The following OXNAD1 variants were observed in gnomAD, a reference collection of about 807,000 sequenced individuals.
OXNAD1 encodes oxidoreductase NAD binding domain containing 1, also known as oxidoreductase NAD-binding domain-containing protein 1.
Under a neutral mutation model 32.9 loss-of-function variants are expected in OXNAD1, and 34 were observed. The observed-to-expected ratio is 1.03, with a 90% CI of 0.79 to 1.38. The LOEUF (loss-of-function observed/expected upper bound fraction) is 1.38, where lower values mean the gene tolerates loss of function less well. Ranked by LOEUF, OXNAD1 falls within the 40% of genes most tolerant of loss-of-function variation. OXNAD1 has a pLI of 0.00. For missense variants in OXNAD1, 407 were observed against 379.4 expected (o/e 1.07, Z -0.60); for synonymous variants, 134 against 135.2 (o/e 0.99, Z 0.06).
Position 16,327,817 on chromosome 3 carries a change from C to T in OXNAD1, c.*31-9295C>T, listed in dbSNP as rs689822. Among the ~76,000 whole-genome samples, 54,226 of 151,644 alleles carry T rather than the reference C, an allele frequency of 0.36. 9,954 individuals are homozygous for T. Among genetic ancestry groups the T allele is most frequent in the Non-Finnish European group, 0.39 (26,690 of 67,786 alleles). Reference sequence around the variant, plus strand: ...GCCCCCTGCTAGCACAGGGAGAGAGCCCTGATGTGAGGCCCCTGCACTGGC... The same window carrying T: ...GCCCCCTGCTAGCACAGGGAGAGAGTCCTGATGTGAGGCCCCTGCACTGGC... On this transcript the variant is annotated intron_variant, in intron 9 of 9. Coordinates refer to the OXNAD1 transcript ENST00000435829. This position sits in a 1 kb window ranked among gnomAD's most constrained non-coding sequence, Gnocchi z 4.2.
Position 16,265,819 on chromosome 3 carries a change from A to T in OXNAD1, c.-159+314A>T, listed in dbSNP as rs957138518. On this transcript the variant is annotated intron_variant, in intron 1 of 8. Transcript: ENST00000285083. This position sits in a 1 kb window ranked among gnomAD's most constrained non-coding sequence, Gnocchi z 4.8. ...AAATCATACACCTGGGAAATAATGA[A>T]GAGCTTGTCTGTCTCCAAAGCCCAG... The T allele has an allele frequency of 1.0e-6, 1 of 963,760 alleles. No individual in the cohort carries two copies. Among genetic ancestry groups the T allele is most frequent in the East Asian group, 1.1e-4 (1 of 8,710 alleles). The allele number at this position is 963,760 out of a possible 1,614,324, so 59.7% of individuals were successfully genotyped here. A position where few individuals can be genotyped will look rare whatever the true frequency, so the allele number is the denominator to read the frequency against.
chr3:16,269,709 T>G (rs1258251220), intron 2 of OXNAD1, among the ~76,000 whole-genome samples: 3 of 152,236 alleles, frequency 2.0e-5, no homozygotes, highest in African/African-American at 7.2e-5. Flanking sequence ...ACTCGTTGAA[T>G]GAAGGACCAA....
rs2067495331 is a variant in OXNAD1 at position 16,305,618 on chromosome 3, C to A, written c.*2056C>A. On this transcript the variant is annotated 3_prime_UTR_variant, in exon 9 of 9. Transcript: ENST00000285083. This position sits in a 1 kb window ranked among gnomAD's most constrained non-coding sequence, Gnocchi z 4.5. ...ATTGAGCTAACTCCAGCCAGAGTGG[C>A]TTGGAATTCATAGTGCGGTGGCTCA... 1 of 152,218 alleles carries A rather than the reference C, an allele frequency of 6.6e-6. No homozygotes were observed. Among genetic ancestry groups the A allele is most frequent in the Non-Finnish European group, 1.5e-5 (1 of 68,064 alleles). 9.4% of individuals were successfully genotyped at this position (152,218 alleles called of 1,614,324 possible). A position where few individuals can be genotyped will look rare whatever the true frequency, so the allele number is the denominator to read the frequency against.
In OXNAD1 at chr3:16,283,878, AG is replaced by A. The variant is rs575992900; in HGVS notation, c.184-2462del. On this transcript the variant is annotated intron_variant, in intron 4 of 8. Transcript: ENST00000285083. Reference sequence around the variant, plus strand: ...AGTGTGGAAAATACCAAATTCAGAGAGGTCAGGGAGGGTGAGAACTGAGACT... The same window carrying A: ...AGTGTGGAAAATACCAAATTCAGAGAGTCAGGGAGGGTGAGAACTGAGACT... 4.6e-5 allele frequency among the ~76,000 whole-genome samples: 7 copies of A among 152,258 alleles called. No individual in the cohort carries two copies. The South Asian group carries it at 1.5e-3, about 32-fold the overall frequency.
At chr3:16,313,318 T>C (rs2068106597) in intron 9 of OXNAD1, among the ~76,000 whole-genome samples, 2 of 150,290 alleles carry the variant, frequency 1.3e-5, no homozygotes, top group South Asian at 2.1e-4. Flanking sequence ...GCTGGGACTA[T>C]AGGCGTGAGC....
chr3:16,311,289 G>C (rs938933371), intron 9 of OXNAD1, among the ~76,000 whole-genome samples: 1 of 151,530 alleles, frequency 6.6e-6, no homozygotes, highest in African/African-American at 2.4e-5. Flanking sequence ...CTGCCTCCCG[G>C]GTTCAAGTGA....
In OXNAD1 at chr3:16,277,955, C is replaced by G. The variant is rs1025114546; in HGVS notation, c.183+6233C>G. Among the ~76,000 whole-genome samples the G allele has an allele frequency of 6.6e-6, 1 of 152,164 alleles. No individual in the cohort carries two copies. The highest frequency in any genetic ancestry group is 1.5e-5 in the Non-Finnish European group (1 of 68,038). ...TGTCAAGGAGATAAAGATAGAAATA[C>G]TGTAATGCAGTAAAGATTGTTCAGG... On this transcript the variant is annotated intron_variant, in intron 4 of 8. Coordinates refer to ENST00000285083, the MANE Select transcript of OXNAD1 (RefSeq NM_138381.5). The surrounding 1 kb of genome is among the most constrained non-coding windows in gnomAD (Gnocchi z 4.3).
At chr3:16,269,301 G>A in intron 2 of OXNAD1, 26 bp downstream of exon 2, 3 of 1,530,640 alleles carry the variant, frequency 2.0e-6, no homozygotes, top group Non-Finnish European at 2.6e-6. Flanking sequence ...TTTCTTTCAG[G>A]GATTAAGGTA....
At position 16,348,990 on chromosome 3, in the gene OXNAD1, G is replaced by T. The variant is rs557859368; in HGVS notation, c.*31-186G>T. ...AAAGAGGGACAGACAGCCATCCCAG[G>T]CTCCACTATCCAAGGACAGGGTCAA... is the stretch of plus-strand genomic sequence containing the variant. On this transcript the variant is annotated intron_variant, in intron 9 of 9. Coordinates refer to the OXNAD1 transcript ENST00000606098. The surrounding 1 kb of genome is among the most constrained non-coding windows in gnomAD (Gnocchi z 6.3). Among the ~76,000 whole-genome samples, 1 of 152,170 alleles carries T rather than the reference G, an allele frequency of 6.6e-6. No homozygotes were observed. Among genetic ancestry groups the T allele is most frequent in the East Asian group, 1.9e-4 (1 of 5,194 alleles).
At chr3:16,340,892 T>C (rs1383753939), downstream of OXNAD1, among the ~76,000 whole-genome samples, 2 of 152,164 alleles carry the variant, frequency 1.3e-5, no homozygotes, top group Non-Finnish European at 2.9e-5. Flanking sequence ...AGGAGAAATA[T>C]CTGCAAAAGC....
rs1007086395 is a variant in OXNAD1, at chr3:16,348,499, C to T, written c.*31-677C>T. On this transcript the variant is annotated intron_variant, in intron 9 of 9. Coordinates refer to the OXNAD1 transcript ENST00000606098. This position sits in a 1 kb window ranked among gnomAD's most constrained non-coding sequence, Gnocchi z 6.3. ...TGACTTGCCAATACCCAGCTGGAGC[C>T]CACTGTGTCCAGGAGGCCTTGTTCA... Among the ~76,000 whole-genome samples the T allele has an allele frequency of 1.7e-4, 26 of 152,286 alleles. No homozygotes were observed. The highest frequency in any genetic ancestry group is 6.0e-4 in the African/African-American group (25 of 41,572).
In OXNAD1 at chr3:16,346,952, C is replaced by G. The variant is rs1449032163; in HGVS notation, c.*31-2224C>G. Among the ~76,000 whole-genome samples, 1 of 152,180 alleles carries G rather than the reference C, an allele frequency of 6.6e-6. No individual in the cohort carries two copies. ...CCCACCTTGCTCTAGACTTCCTGCT[C>G]AATGAGATGAGATGAACACCCCTAC... On this transcript the variant is annotated intron_variant, in intron 9 of 9. Transcript: ENST00000606098. This position sits in a 1 kb window ranked among gnomAD's most constrained non-coding sequence, Gnocchi z 4.4.
At chr3:16,331,287 T>C (rs1382628909) in intron 9 of OXNAD1, among the ~76,000 whole-genome samples, 2 of 152,272 alleles carry the variant, frequency 1.3e-5, no homozygotes, top group African/African-American at 4.8e-5. Flanking sequence ...ACTCTTATTT[T>C]ACTTATCAGT....
At chr3:16,268,314 T>A (rs1181262067) in intron 1 of OXNAD1, among the ~76,000 whole-genome samples, 1 of 11,630 alleles carries the variant, frequency 8.6e-5, no homozygotes, top group South Asian at 2.7e-3. Flanking sequence ...AGAGAACTCC[T>A]TTTTTTTTTT....
intron 4 of OXNAD1, among the ~76,000 whole-genome samples, chr3:16,272,624 GT>G (rs2065028886): frequency 7.2e-6 from 1 of 138,606 alleles, no homozygotes; most frequent in Non-Finnish European, 1.6e-5. Context: ...AGGGTAATGT[GT>G]TTGTTGATTC....
chr3:16,339,711 T>C (rs1357371267), downstream of OXNAD1: 3 of 152,252 alleles, frequency 2.0e-5, no homozygotes, highest in Admixed American at 1.3e-4. Flanking sequence ...TTTCCACATA[T>C]TGATCATGAC....
intron 9 of OXNAD1, among the ~76,000 whole-genome samples, chr3:16,343,370 A>C (rs577022307): frequency 1.2e-4 from 19 of 152,324 alleles, no homozygotes; most frequent in Non-Finnish European, 2.2e-4. Flanking sequence ...CAATCAACAA[A>C]AACAGTCTAC....
Position 16,316,745 on chromosome 3 carries a change from G to A in OXNAD1, c.*30+13153G>A. The A allele has an allele frequency of 1.3e-6, 2 of 1,554,602 alleles. No individual in the cohort carries two copies. The highest frequency in any genetic ancestry group is 1.1e-5 in the South Asian group (1 of 88,934). ...AAAGGGTAGGTAACACACAACACCA[G>A]GGAAACCAGCCCCCAAACCAGCTGT... On this transcript the variant is annotated intron_variant, in intron 9 of 9. Transcript: ENST00000435829. This position sits in a 1 kb window ranked among gnomAD's most constrained non-coding sequence, Gnocchi z 4.5.
chr3:16,315,837 CTCAA>C, intron 9 of OXNAD1: 1 of 152,352 alleles, frequency 6.6e-6, no homozygotes, highest in Middle Eastern at 3.4e-3. Flanking sequence ...ACGATAAACA[CTCAA>C]TCCTCACGGT....
Sources: gnomAD v4.1 joint callset for allele counts (sites outside exome capture counted in the v4.1 genomes callset) on GRCh38, gnomAD v4.1.1 for gene constraint, Gnocchi (gnomAD v3.1) non-coding constraint, MANE v1.5 for transcripts, NCBI Gene and HGNC (gene_info 2026-07-23, HGNC 2026-07-21) for gene names.